The following SH3BP5 variants were observed in gnomAD, a reference collection of about 807,000 sequenced individuals.
SH3BP5 encodes SH3 domain binding protein 5, also known as SH3 domain-binding protein 5.
A neutral mutation model predicts 43.3 loss-of-function variants in SH3BP5; 22 were observed. The observed-to-expected ratio is 0.51, with a 90% CI of 0.36 to 0.73. The LOEUF (loss-of-function observed/expected upper bound fraction) is 0.73. Ranked by LOEUF, SH3BP5 falls within the 30% of genes least tolerant of loss-of-function variation. The probability of loss-of-function intolerance (pLI) is 0.00; values close to 1 mark genes in which losing one functional copy is unlikely to be tolerated. For missense variants in SH3BP5, 529 were observed against 586.9 expected (o/e 0.90, Z 1.02); for synonymous variants, 255 against 225.8 (o/e 1.13, Z -1.16).
rs911230985 is a variant in SH3BP5 at position 15,255,802 on chromosome 3, C to T, written c.*284G>A. 5 of 304,892 alleles carry T rather than the reference C, an allele frequency of 1.6e-5. No homozygotes were observed. The highest frequency in any genetic ancestry group is 3.1e-5 in the Non-Finnish European group (5 of 163,642). 18.9% of individuals were successfully genotyped at this position (304,892 alleles called of 1,614,324 possible). A position where few individuals can be genotyped will look rare whatever the true frequency, so the allele number is the denominator to read the frequency against. Reference sequence around the variant, plus strand: ...GCCATCTTCCCAGCTCTGGTTCTTTCATAGGAACTAGTTATTGCTTCCACA... The same window carrying T: ...GCCATCTTCCCAGCTCTGGTTCTTTTATAGGAACTAGTTATTGCTTCCACA... On this transcript the variant is annotated 3_prime_UTR_variant, in exon 9 of 9. Transcript: ENST00000383791.
chr3:15,315,139 T>C (rs6774597), intron 2 of SH3BP5, among the ~76,000 whole-genome samples: 62,588 of 151,786 alleles, frequency 0.41, 13,646 homozygotes, highest in African/African-American at 0.55. Context: ...AGGACACTTT[T>C]GAGAATAAGG....
intron 2 of SH3BP5, among the ~76,000 whole-genome samples, chr3:15,330,183 T>C (rs1313510487): frequency 1.3e-5 from 2 of 152,264 alleles, no homozygotes; most frequent in African/African-American, 4.8e-5. Flanking sequence ...TTATTCTCCA[T>C]TAAAGAGTTC....
At chr3:15,286,153 A>C (rs551232257) in intron 3 of SH3BP5, among the ~76,000 whole-genome samples, 1 of 152,360 alleles carries the variant, frequency 6.6e-6, no homozygotes, top group African/African-American at 2.4e-5. Context: ...GCACAAGGGC[A>C]TACACAGCTA....
intron 2 of SH3BP5, among the ~76,000 whole-genome samples, chr3:15,310,541 A>C (rs1698028375): frequency 6.6e-6 from 1 of 152,086 alleles, no homozygotes; most frequent in Admixed American, 6.5e-5. Context: ...GAGGAGAGTA[A>C]GCTGACTGCT....
At chr3:15,303,205 G>C (rs1344566833) in intron 3 of SH3BP5, among the ~76,000 whole-genome samples, 1 of 152,204 alleles carries the variant, frequency 6.6e-6, no homozygotes, top group Non-Finnish European at 1.5e-5. Flanking sequence ...TGGGTCATTT[G>C]CTAGTGAACT....
At chr3:15,266,119 G>C (rs1696636665) in intron 4 of SH3BP5, among the ~76,000 whole-genome samples, 1 of 152,210 alleles carries the variant, frequency 6.6e-6, no homozygotes, top group Non-Finnish European at 1.5e-5. Flanking sequence ...CAGAGGGGCG[G>C]TCAGGAGCCT....
At chr3:15,261,610 T>G (rs1696440363) in intron 5 of SH3BP5, among the ~76,000 whole-genome samples, 1 of 152,100 alleles carries the variant, frequency 6.6e-6, no homozygotes, top group African/African-American at 2.4e-5. Context: ...AGCAGGGGGC[T>G]TGTCCCCAAG....
rs372013925 is a variant in SH3BP5, at chr3:15,257,832, A to AT, written c.890-720dup. Among the ~76,000 whole-genome samples, 530 of 152,002 alleles carry AT rather than the reference A, an allele frequency of 3.5e-3. 4 individuals carry two copies. The highest frequency in any genetic ancestry group is 0.012 in the African/African-American group (513 of 41,434). ...CTCCTTATTAGAACTTTCCTACTCC[A>AT]TTTTTCCCCCCCTTTCTCTTTAAAA... On this transcript the variant is annotated intron_variant, in intron 7 of 8. Coordinates refer to ENST00000383791, the MANE Select transcript of SH3BP5 (RefSeq NM_004844.5).
intron 2 of SH3BP5, among the ~76,000 whole-genome samples, chr3:15,324,133 C>G (rs945621068): frequency 6.6e-6 from 1 of 152,176 alleles, no homozygotes; most frequent in Non-Finnish European, 1.5e-5. Flanking sequence ...AACACTCCAC[C>G]TCTCCCCACC....
At chr3:15,315,538 AG>A (rs141502444) in intron 2 of SH3BP5, among the ~76,000 whole-genome samples, 27,953 of 152,094 alleles carry the variant, frequency 0.18, 2,706 homozygotes, top group African/African-American at 0.25. Flanking sequence ...AGAAAATATA[AG>A]GGTCATCATG....
In SH3BP5 at chr3:15,329,915, T is replaced by C. The variant is rs1698566634; in HGVS notation, c.201+589A>G. Among the ~76,000 whole-genome samples the C allele has an allele frequency of 3.3e-5, 5 of 152,348 alleles. No individual in the cohort carries two copies. In the South Asian group the frequency reaches 1.0e-3, roughly 32 times the overall value. On this transcript the variant is annotated intron_variant, in intron 2 of 8. Transcript: ENST00000383791. ...TTGGAAAATGCACATGAAACCCAAA[T>C]CAAGTTTTAGTCTCCCAAGATTTTT...
chr3:15,319,433 T>A (rs1270753109), intron 2 of SH3BP5, among the ~76,000 whole-genome samples: 2 of 152,154 alleles, frequency 1.3e-5, no homozygotes, highest in Non-Finnish European at 2.9e-5. Flanking sequence ...CCTATGGGCC[T>A]CAAAATAAGC....
At chr3:15,291,741 T>C (rs1251133697) in intron 3 of SH3BP5, among the ~76,000 whole-genome samples, 1 of 152,182 alleles carries the variant, frequency 6.6e-6, no homozygotes, top group African/African-American at 2.4e-5. Flanking sequence ...CCCACCAGGT[T>C]GGAAGCAGGG....
chr3:15,337,671 C>T (rs1698716882), intron 1 of SH3BP5, among the ~76,000 whole-genome samples: 1 of 151,774 alleles, frequency 6.6e-6, no homozygotes, highest in South Asian at 2.1e-4. Context: ...TTTGAGAGGC[C>T]AAGGGAGGAG....
chr3:15,337,494 A>G (rs1698714871), upstream of SH3BP5, among the ~76,000 whole-genome samples: 2 of 152,204 alleles, frequency 1.3e-5, no homozygotes, highest in African/African-American at 4.8e-5. Context: ...AGAAAGCAAC[A>G]TTAATTCAGT....
rs1280502675 is a variant in SH3BP5, at chr3:15,257,050, G to A, written c.953C>T (p.Thr318Ile). The change falls in exon 8 of 9, where the codon ACC (threonine) becomes ATC (isoleucine). Residue 318 changes from threonine to isoleucine, a missense_variant. Around this residue, in one of 3 missense-constraint regions of SH3BP5, gnomAD observed 369 missense variants for 384.3 expected, o/e 0.96. Coordinates refer to ENST00000383791, the MANE Select transcript of SH3BP5 (RefSeq NM_004844.5). ...TGAACTAAAGCTGGACACGGACTGG[G>A]TTTCCGAGTCATCTTCAGACACAAA... Reference protein sequence around the residue: ...SNFVSEDDSETQSVSSFSSGP... With the variant: ...SNFVSEDDSEIQSVSSFSSGP... 1 of 1,614,164 alleles carries A rather than the reference G, an allele frequency of 6.2e-7. No homozygotes were observed. Among genetic ancestry groups the A allele is most frequent in the Non-Finnish European group, 8.5e-7 (1 of 1,180,006 alleles).
chr3:15,265,450 AG>A (rs1696598950), intron 4 of SH3BP5, among the ~76,000 whole-genome samples: 2 of 148,432 alleles, frequency 1.3e-5, no homozygotes. Context: ...TGGGAGGTGG[AG>A]GTTGCAATGA....
intron 7 of SH3BP5, 167 bp from the exon 8 acceptor site, chr3:15,257,280 CTAAAGCAGCTGGAAG>C (rs564605440): frequency 0.045 from 29,578 of 655,336 alleles, 885 homozygotes; most frequent in Middle Eastern, 0.059. Flanking sequence ...TGACCAGCCT[CTAAAGCAGCTGGAAG>C]GGAAGCAGCT....
intron 3 of SH3BP5, among the ~76,000 whole-genome samples, chr3:15,283,340 T>TG (rs1204755517): frequency 1.6e-4 from 24 of 152,282 alleles, no homozygotes; most frequent in African/African-American, 5.8e-4. Flanking sequence ...GAGGCTGCAG[T>TG]AAGCCGAGAT....
Sources: gnomAD v4.1 joint callset for allele counts (sites outside exome capture counted in the v4.1 genomes callset) on GRCh38, gnomAD v4.1.1 for gene constraint, gnomAD v4.1.1 regional missense constraint, MANE v1.5 for transcripts, NCBI Gene and HGNC (gene_info 2026-07-23, HGNC 2026-07-21) for gene names.